The following CCDC91 variants were observed in gnomAD, a reference collection of about 807,000 sequenced individuals.
The protein encoded by CCDC91 is coiled-coil domain containing 91.
Under a neutral mutation model 63.2 loss-of-function variants are expected in CCDC91, and 48 were observed. The ratio of observed to expected loss-of-function variants is 0.76; its 90% CI spans 0.60 to 0.97. The LOEUF (loss-of-function observed/expected upper bound fraction) is 0.97. Ranked by LOEUF, CCDC91 falls within the 50% of genes least tolerant of loss-of-function variation. The pLI, the probability that CCDC91 is intolerant of heterozygous loss-of-function variation, is 0.00. For missense variants in CCDC91, 500 were observed against 494.6 expected, an observed-to-expected ratio of 1.01 and a Z score of -0.10; for synonymous variants, 167 against 165.8, an observed-to-expected ratio of 1.01 and a Z score of -0.06.
At chr12:28,244,942 A>G (rs888710393) in intron 1 of CCDC91, among the ~76,000 whole-genome samples, 1 of 152,104 alleles carries the variant, frequency 6.6e-6, no homozygotes, top group Non-Finnish European at 1.5e-5. Flanking sequence ...TTGGATTGTT[A>G]TTATAGTAAC....
intron 12 of CCDC91, among the ~76,000 whole-genome samples, chr12:28,536,140 C>T (rs1942156703): frequency 1.3e-5 from 2 of 151,878 alleles, no homozygotes. Flanking sequence ...ATGTTTACAA[C>T]AATTTCCTTG....
chr12:28,438,474 C>T (rs1565973281), intron 8 of CCDC91, among the ~76,000 whole-genome samples: 1 of 152,010 alleles, frequency 6.6e-6, no homozygotes, highest in Non-Finnish European at 1.5e-5. Flanking sequence ...GCTTCCAAAA[C>T]TGTGGGAATT....
intron 3 of CCDC91, among the ~76,000 whole-genome samples, chr12:28,300,903 G>A (rs192696523): frequency 1.3e-5 from 2 of 151,678 alleles, no homozygotes; most frequent in East Asian, 1.9e-4. Context: ...TCTCTAAATG[G>A]TTATTGTTTT....
At chr12:28,490,972 C>CT (rs1309256524) in intron 12 of CCDC91, among the ~76,000 whole-genome samples, 49 of 151,790 alleles carry the variant, frequency 3.2e-4, no homozygotes, top group Non-Finnish European at 6.2e-4. Flanking sequence ...AAGCCCAATG[C>CT]TTAGATTATA....
intron 6 of CCDC91, among the ~76,000 whole-genome samples, chr12:28,312,413 A>G (rs771194041): frequency 3.9e-5 from 6 of 152,072 alleles, no homozygotes; most frequent in African/African-American, 7.2e-5. Context: ...TGTACTGTAA[A>G]TACCTGATTC....
chr12:28,262,116 C>A (rs188841231), intron 3 of CCDC91, among the ~76,000 whole-genome samples: 251 of 152,100 alleles, frequency 1.7e-3, no homozygotes, highest in African/African-American at 4.7e-3. Flanking sequence ...ACGTAGCTAA[C>A]AATGTAATCA....
chr12:28,510,046 A>G (rs1038783166), intron 12 of CCDC91, among the ~76,000 whole-genome samples: 3 of 151,914 alleles, frequency 2.0e-5, no homozygotes, highest in African/African-American at 4.8e-5. Flanking sequence ...AGAAGGGAGT[A>G]GAGACACCAA....
chr12:28,268,559 A>G (rs185468648), intron 3 of CCDC91: 33 of 495,178 alleles, frequency 6.7e-5, no homozygotes, highest in African/African-American at 5.6e-4. Flanking sequence ...AGAATCTGTG[A>G]AGTCTAGAAT....
At chr12:28,305,617 C>G (rs750998456) in intron 3 of CCDC91, 32 bp from the exon 4 acceptor site, 1 of 1,582,754 alleles carries the variant, frequency 6.3e-7, no homozygotes, top group Non-Finnish European at 8.6e-7. Context: ...TTTAATAATC[C>G]TATCCTTTTT....
At chr12:28,340,967 G>T (rs1409133970) in intron 6 of CCDC91, among the ~76,000 whole-genome samples, 1 of 152,102 alleles carries the variant, frequency 6.6e-6, no homozygotes, top group South Asian at 2.1e-4. Flanking sequence ...CAGCAGATGG[G>T]GTAGCCAGAA....
intron 3 of CCDC91, among the ~76,000 whole-genome samples, chr12:28,273,648 G>A (rs1465039707): frequency 6.6e-6 from 1 of 152,112 alleles, no homozygotes; most frequent in Non-Finnish European, 1.5e-5. Flanking sequence ...CTTTTGAGAA[G>A]TGTCTGTTCA....
Position 28,259,380 on chromosome 12 carries a change from A to G in CCDC91, c.47A>G (p.Asp16Gly), listed in dbSNP as rs781177408. 1.9e-6 allele frequency: 3 copies of G among 1,610,056 alleles called. No individual in the cohort carries two copies. The highest frequency in any genetic ancestry group is 2.5e-6 in the Non-Finnish European group (3 of 1,177,536). ...GTCTTGTAGGCTGCGGAGACTTTTGATGGTGGAAGTGGTGAAACCCAAACA... is the reference window on the plus strand; with the variant it reads ...GTCTTGTAGGCTGCGGAGACTTTTGGTGGTGGAAGTGGTGAAACCCAAACA... ...FGGFEAAETF[D>G]GGSGETQTTS... Residue 16 changes from aspartate (D) to glycine (G), a missense_variant, in exon 3 of 13, where the codon GAT (aspartate) becomes GGT (glycine). Asp to Gly is a moderately conservative substitution (Grantham distance 94). Coordinates refer to ENST00000536442, the MANE Select transcript of CCDC91 (RefSeq NM_018318.5).
chr12:28,331,700 A>G (rs1304668941), intron 6 of CCDC91, among the ~76,000 whole-genome samples: 6 of 152,184 alleles, frequency 3.9e-5, no homozygotes, highest in Non-Finnish European at 7.4e-5. Context: ...TATAGTAAGC[A>G]TGCTTTAGTA....
intron 12 of CCDC91, among the ~76,000 whole-genome samples, chr12:28,540,445 A>G (rs1288988048): frequency 1.3e-5 from 2 of 152,194 alleles, no homozygotes; most frequent in African/African-American, 4.8e-5. Context: ...GTGTAATGCA[A>G]TGCAAGAAAC....
At chr12:28,342,054 C>T (rs553605686) in intron 6 of CCDC91, among the ~76,000 whole-genome samples, 1 of 152,168 alleles carries the variant, frequency 6.6e-6, no homozygotes, top group South Asian at 2.1e-4. Flanking sequence ...CCCTGATAGC[C>T]CCAGACAAAT....
At chr12:28,205,188 GTGAAGAGAGAAGGGAGAA>G (rs1227329878) in intron 1 of CCDC91, among the ~76,000 whole-genome samples, 1 of 151,962 alleles carries the variant, frequency 6.6e-6, no homozygotes, top group African/African-American at 2.4e-5. Flanking sequence ...AGAAAGGAGA[GTGAAGAGAGAAGGGAGAA>G]TGAAGAGGGA....
chr12:28,424,770 C>A (rs184886508), intron 8 of CCDC91, among the ~76,000 whole-genome samples: 1 of 152,248 alleles, frequency 6.6e-6, no homozygotes, highest in East Asian at 1.9e-4. Flanking sequence ...TAATCCAATT[C>A]ATCAATTTTT....
chr12:28,364,436 A>G (rs1944137768), intron 7 of CCDC91, among the ~76,000 whole-genome samples: 1 of 152,138 alleles, frequency 6.6e-6, no homozygotes, highest in Admixed American at 6.5e-5. Context: ...TAGCAATGAT[A>G]ATTGGCCCTT....
intron 3 of CCDC91, among the ~76,000 whole-genome samples, chr12:28,284,967 T>C (rs1948826875): frequency 6.6e-6 from 1 of 152,230 alleles, no homozygotes; most frequent in South Asian, 2.1e-4. Flanking sequence ...CAACGTTTTT[T>C]GAGGAATATT....
Sources: allele counts gnomAD v4.1 joint callset (sites outside exome capture counted in the v4.1 genomes callset), GRCh38; gene constraint gnomAD v4.1.1; transcripts MANE v1.5; gene names NCBI Gene and HGNC (gene_info 2026-07-23, HGNC 2026-07-21).